Variants in RHPN2 observed in about 807,000 individuals in gnomAD.
RHPN2 encodes rhophilin-2.
Under a neutral mutation model 79.0 loss-of-function variants are expected in RHPN2, and 40 were observed. The observed-to-expected ratio is 0.51, with a 90% CI of 0.39 to 0.66. The LOEUF (loss-of-function observed/expected upper bound fraction) is 0.66, where lower values mean the gene tolerates loss of function less well. RHPN2 is among the 30% of genes least tolerant of loss of function. The pLI is 0.00. For synonymous variants in RHPN2, 285 were observed against 363.5 expected, an observed-to-expected ratio of 0.78 and a Z score of 2.46; for missense variants, 686 against 883.5, an observed-to-expected ratio of 0.78 and a Z score of 2.83.
intron 4 of RHPN2, among the ~76,000 whole-genome samples, 162 bp from the exon 5 acceptor site, chr19:33,012,886 T>G (rs1242768746): frequency 1.3e-5 from 2 of 151,990 alleles, no homozygotes; most frequent in African/African-American, 4.8e-5. Context: ...ATTTATGTAG[T>G]TTTTTTTAAT....
At chr19:32,998,854 G>A (rs1370143265) in intron 10 of RHPN2, among the ~76,000 whole-genome samples, 1 of 120,520 alleles carries the variant, frequency 8.3e-6, no homozygotes, top group African/African-American at 3.2e-5. Context: ...GGAGGGGAGG[G>A]AGAGGGAGGA....
chr19:33,050,576 T>C (rs1972178513), intron 1 of RHPN2, among the ~76,000 whole-genome samples: 1 of 152,252 alleles, frequency 6.6e-6, no homozygotes, highest in Non-Finnish European at 1.5e-5. Context: ...TTTTGAACTA[T>C]GTAAATGTAA....
In RHPN2 at chr19:32,994,006, G is replaced by T; in HGVS notation, c.1468C>A (p.Leu490Met). Residue 490 changes from leucine (L) to methionine (M), a missense_variant, in exon 12 of 15, where the codon CTG becomes ATG. Transcript: ENST00000254260. Reference protein sequence around the residue: ...VDIILPQFSKLTVTDFFQKLG... With the variant: ...VDIILPQFSKMTVTDFFQKLG... ...TTCTGGAAGAAGTCCGTGACTGTCAGCTTGGAGAACTGGGGCAATATAATG... is the reference window on the plus strand; with the variant it reads ...TTCTGGAAGAAGTCCGTGACTGTCATCTTGGAGAACTGGGGCAATATAATG... The T allele has an allele frequency of 6.2e-7, 1 of 1,613,354 alleles. No homozygotes were observed. Among genetic ancestry groups the T allele is most frequent in the South Asian group, 1.1e-5 (1 of 91,072 alleles).
intron 1 of RHPN2, among the ~76,000 whole-genome samples, chr19:33,050,004 G>C (rs1599834968): frequency 6.6e-6 from 1 of 152,132 alleles, no homozygotes. Flanking sequence ...CCGCCTCATA[G>C]CCCATGATGG....
chr19:33,047,399 G>A (rs555784257), intron 1 of RHPN2, among the ~76,000 whole-genome samples: 14 of 152,194 alleles, frequency 9.2e-5, no homozygotes, highest in African/African-American at 2.6e-4. Context: ...AACGCTTCAC[G>A]CTAAAAGTTT....
intron 7 of RHPN2, among the ~76,000 whole-genome samples, chr19:33,006,171 T>A (rs1971789461): frequency 6.6e-6 from 1 of 151,058 alleles, no homozygotes. Context: ...TGAGCCACCA[T>A]GCCCAGCCTA....
chr19:32,987,115 C>T (rs1468341383), intron 14 of RHPN2, among the ~76,000 whole-genome samples: 2 of 151,970 alleles, frequency 1.3e-5, no homozygotes, highest in African/African-American at 4.8e-5. Context: ...TGGGCTCAAG[C>T]GAACATACTG....
chr19:33,057,675 C>CA lies in RHPN2; in HGVS notation c.69+7108dup, dbSNP rs1387288106. Among the ~76,000 whole-genome samples the CA allele has an allele frequency of 9.8e-3, 666 of 68,304 alleles. 8 individuals are homozygous for CA. Among genetic ancestry groups the CA allele is most frequent in the African/African-American group, 0.032 (493 of 15,208 alleles). The allele number at this position is 68,304 out of a possible 152,430, so 44.8% of individuals were successfully genotyped here. A position where few individuals can be genotyped will look rare whatever the true frequency, so the allele number is the denominator to read the frequency against. ...TGGGTGACAGAGCGAAACTCCATCTCAAAAAAAAAAAAAAAGATAGAAAAA... is the reference window on the plus strand; with the variant it reads ...TGGGTGACAGAGCGAAACTCCATCTCAAAAAAAAAAAAAAAAGATAGAAAAA... On this transcript the variant is annotated intron_variant, in intron 1 of 14. Coordinates refer to ENST00000254260, the MANE Select transcript of RHPN2 (RefSeq NM_033103.5).
At chr19:32,982,214 C>T (rs996207317) in intron 14 of RHPN2, among the ~76,000 whole-genome samples, 5 of 151,966 alleles carry the variant, frequency 3.3e-5, no homozygotes, top group African/African-American at 9.7e-5. Context: ...TCAAGACCAT[C>T]GTGGCCAACA....
At position 32,978,671 on chromosome 19, in the gene RHPN2, T is replaced by G. The variant is rs8109798; in HGVS notation, c.*1325A>C. On this transcript the variant is annotated 3_prime_UTR_variant, in exon 15 of 15. Coordinates refer to ENST00000254260, the MANE Select transcript of RHPN2 (RefSeq NM_033103.5). ...AGCAGATACACTTTCCCAAAGGTGG[T>G]TGCTTCCTTTAAGATATTGCACAAT... 26,124 of 152,574 alleles carry G rather than the reference T, an allele frequency of 0.17. 2,902 individuals carry two copies. Among genetic ancestry groups the G allele is most frequent in the African/African-American group, 0.32 (13,375 of 41,456 alleles). 9.5% of individuals were successfully genotyped at this position (152,574 alleles called of 1,614,324 possible). A position where few individuals can be genotyped will look rare whatever the true frequency, so the allele number is the denominator to read the frequency against.
intron 1 of RHPN2, among the ~76,000 whole-genome samples, chr19:33,049,847 AC>A (rs1306455341): frequency 6.6e-6 from 1 of 151,926 alleles, no homozygotes; most frequent in African/African-American, 2.4e-5. Context: ...GGGATTTAAG[AC>A]CCTGTCCTTC....
chr19:33,040,082 G>T (rs1212277455), intron 2 of RHPN2, among the ~76,000 whole-genome samples: 1 of 152,122 alleles, frequency 6.6e-6, no homozygotes, highest in African/African-American at 2.4e-5. Flanking sequence ...CCTGATCCCT[G>T]TAAACCTCGG....
In RHPN2 at chr19:32,998,422, C is replaced by T. The variant is rs189576515; in HGVS notation, c.1225+1164G>A. Among the ~76,000 whole-genome samples the T allele has an allele frequency of 3.3e-5, 5 of 152,162 alleles. No homozygotes were observed. In the East Asian group the frequency reaches 7.8e-4, roughly 24 times the overall value. On this transcript the variant is annotated intron_variant, in intron 10 of 14. Coordinates refer to ENST00000254260, the MANE Select transcript of RHPN2 (RefSeq NM_033103.5). ...CTTTGGGAGACAGAGGCAGGAGGAT[C>T]GCTGGAGGCCAGGAGTTCAAAACCA...
At chr19:32,992,082 A>G in intron 12 of RHPN2, 113 bp from the exon 13 acceptor site, 1 of 1,161,868 alleles carries the variant, frequency 8.6e-7, no homozygotes, top group East Asian at 2.5e-5. Flanking sequence ...TTGTTCAGGG[A>G]CAAATGACAC....
chr19:33,031,452 C>T (rs1460784802), intron 2 of RHPN2, among the ~76,000 whole-genome samples: 4 of 151,868 alleles, frequency 2.6e-5, no homozygotes, highest in African/African-American at 9.7e-5. Context: ...ACCATGTTGC[C>T]CAGTCCAGTC....
At chr19:33,024,366 G>C (rs1971949589) in intron 3 of RHPN2, among the ~76,000 whole-genome samples, 2 of 152,176 alleles carry the variant, frequency 1.3e-5, no homozygotes, top group Middle Eastern at 3.2e-3. Flanking sequence ...CTGGGAGGCG[G>C]AGGTTGCGGT....
At chr19:32,996,623 ATT>A (rs1316283717) in intron 10 of RHPN2, among the ~76,000 whole-genome samples, 1 of 152,048 alleles carries the variant, frequency 6.6e-6, no homozygotes, top group Admixed American at 6.6e-5. Context: ...GGAACTGTGT[ATT>A]TTTTGTAACT....
intron 14 of RHPN2, among the ~76,000 whole-genome samples, chr19:32,987,449 T>A (rs1382843967): frequency 6.6e-6 from 1 of 152,186 alleles, no homozygotes; most frequent in Non-Finnish European, 1.5e-5. Flanking sequence ...TGTCTTTTCA[T>A]CCTGCTGCCA....
intron 1 of RHPN2, among the ~76,000 whole-genome samples, chr19:33,050,798 C>G (rs1972180561): frequency 6.6e-6 from 1 of 152,144 alleles, no homozygotes; most frequent in African/African-American, 2.4e-5. Flanking sequence ...CCTGCCTCAG[C>G]CTCCTGAGTA....
Sources: gnomAD v4.1 joint callset for allele counts (sites outside exome capture counted in the v4.1 genomes callset) on GRCh38, gnomAD v4.1.1 for gene constraint, MANE v1.5 for transcripts, NCBI Gene and HGNC (gene_info 2026-07-23, HGNC 2026-07-21) for gene names.